Variants in RNF123 observed in about 807,000 individuals in gnomAD.
RNF123 encodes ring finger protein 123, also known as E3 ubiquitin-protein ligase RNF123.
A neutral mutation model predicts 168.5 loss-of-function variants in RNF123; 86 were observed. That is an observed-to-expected ratio of 0.51 (90% CI 0.43 to 0.61). The LOEUF (loss-of-function observed/expected upper bound fraction) is 0.61. RNF123 is among the 20% of genes least tolerant of loss of function. The pLI, the probability that RNF123 is intolerant of heterozygous loss-of-function variation, is 0.00. For missense variants in RNF123, 1,419 were observed against 1,729.7 expected, an observed-to-expected ratio of 0.82 and a Z score of 3.19; for synonymous variants, 666 against 689.1, an observed-to-expected ratio of 0.97 and a Z score of 0.52.
chr3:49,719,620 G>T, intron 35 of RNF123: 1 of 648,238 alleles, frequency 1.5e-6, no homozygotes, highest in Non-Finnish European at 2.7e-6. Context: ...CTACTCTCCG[G>T]TTCCCAGGTT....
rs1231665697 is a variant in RNF123, at chr3:49,704,772, C to T, written c.1959+16C>T. 3 of 1,557,912 alleles carry T rather than the reference C, an allele frequency of 1.9e-6. No homozygotes were observed. Among genetic ancestry groups the T allele is most frequent in the East Asian group, 4.6e-5 (2 of 43,112 alleles). On this transcript the variant is annotated intron_variant, in intron 22 of 38. Transcript: ENST00000327697. ...TATGGCCCAGGTGCCGCAGTGGGGG[C>T]AGGCGGTGGGATTTGTGTTGGGCTT...
At position 49,702,678 on chromosome 3, in the gene RNF123, C is replaced by G; in HGVS notation, c.1675C>G (p.His559Asp). 6.2e-7 allele frequency: 1 copy of G among 1,614,264 alleles called. No homozygotes were observed. The highest frequency in any genetic ancestry group is 8.5e-7 in the Non-Finnish European group (1 of 1,180,038). The change falls in exon 20 of 39, where the codon CAC (histidine) becomes GAC (aspartate). Residue 559 changes from histidine (H) to aspartate (D), a missense_variant. Physicochemically the swap from His to Asp is moderately conservative, Grantham distance 81. Around this residue, in one of 5 missense-constraint regions of RNF123, gnomAD observed 349 missense variants for 344.9 expected, o/e 1.01. Transcript: ENST00000327697. ...CPPEYMVCFL[H>D]RLISALRYYW... ...CCCTGAGTACATGGTCTGCTTCTTA[C>G]ACCGGCTGATCTCTGCCCTGCGCTA...
At chr3:49,706,939 C>A in intron 26 of RNF123, 41 bp downstream of exon 26, 2 of 1,561,418 alleles carry the variant, frequency 1.3e-6, no homozygotes, top group Non-Finnish European at 1.8e-6. Context: ...ACCTCACTGT[C>A]TGGCCACGGG....
Position 49,715,712 on chromosome 3 carries a change from G to C in RNF123, c.3148G>C (p.Glu1050Gln). 6.2e-7 allele frequency: 1 copy of C among 1,614,258 alleles called. No homozygotes were observed. The highest frequency in any genetic ancestry group is 8.5e-7 in the Non-Finnish European group (1 of 1,180,052). ...CTCTGAATTCATTGGCATGATCCAAGAGGTGGGCTGTGGTGGGGCCTCGTG... is the reference window on the plus strand; with the variant it reads ...CTCTGAATTCATTGGCATGATCCAACAGGTGGGCTGTGGTGGGGCCTCGTG... ...AFSEFIGMIQ[E>Q]IQQAAERLER... The change falls in exon 32 of 39, where the codon GAG becomes CAG. Residue 1050 changes from glutamate to glutamine, a missense_variant and splice_region_variant. This residue lies in a region of RNF123 where 538 missense variants were observed against 708.8 expected (regional missense o/e 0.76). Coordinates refer to ENST00000327697, the MANE Select transcript of RNF123 (RefSeq NM_022064.5).
chr3:49,716,607 G>T (rs1283205958), intron 35 of RNF123, 130 bp downstream of exon 35: 2 of 817,984 alleles, frequency 2.4e-6, no homozygotes, highest in Non-Finnish European at 4.0e-6. Context: ...TTGAGGCAGA[G>T]GGAAGGTGGT....
At position 49,713,568 on chromosome 3, in the gene RNF123, C is replaced by T. The variant is rs754283760; in HGVS notation, c.2730C>T (p.Asp910=). Reference sequence around the variant, plus strand: ...CCATTCTCGCCAAACACTTTGCCGACGCACGCATTGTGGGCACTGGTGAGG... The same window carrying T: ...CCATTCTCGCCAAACACTTTGCCGATGCACGCATTGTGGGCACTGGTGAGG... ...LAAILAKHFA[D]ARIVGTDIRD... Residue 910 remains aspartate, a synonymous_variant, in exon 28 of 39, where the codon GAC becomes GAT. Transcript: ENST00000327697. The T allele has an allele frequency of 9.3e-6, 15 of 1,612,462 alleles. No individual in the cohort carries two copies. Among genetic ancestry groups the T allele is most frequent in the Middle Eastern group, 1.6e-4 (1 of 6,082 alleles).
At chr3:49,717,866 AG>A in intron 35 of RNF123, 2 of 1,428,520 alleles carry the variant, frequency 1.4e-6, no homozygotes, top group Non-Finnish European at 1.9e-6. Context: ...GCTTCCCACC[AG>A]TATCTGCCAG....
At position 49,705,017 on chromosome 3, in the gene RNF123, C is replaced by G. The variant is rs765201368; in HGVS notation, c.1993C>G (p.Leu665Val). Residue 665 changes from leucine to valine, a missense_variant, in exon 23 of 39, where the codon CTG becomes GTG. Physicochemically the swap from Leu to Val is conservative, Grantham distance 32. Transcript: ENST00000327697. Reference sequence around the variant, plus strand: ...GCAGGCCCTGGCTGTTGGGGGGCCACTGCCCCTGCCCCGGCCCGGCTGGCT... The same window carrying G: ...GCAGGCCCTGGCTGTTGGGGGGCCAGTGCCCCTGCCCCGGCCCGGCTGGCT... ...PMQALAVGGP[L>V]PLPRPGWLSS... The G allele has an allele frequency of 1.7e-5, 27 of 1,608,808 alleles. No individual in the cohort carries two copies. Among genetic ancestry groups the G allele is most frequent in the Admixed American group, 1.2e-4 (7 of 59,558 alleles).
rs913995542 is a variant in RNF123 at position 49,714,145 on chromosome 3, T to C, written c.2981T>C (p.Leu994Pro). ...TRLPHLLKTK[L>P]EDANLPSLQK... is the part of the protein sequence containing the mutation. ...CTGCCACATCTGCTGAAAACCAAAC[T>C]TGAGGACGCCAATTTGCCCAGCCTC... Residue 994 changes from leucine to proline, a missense_variant, in exon 31 of 39, where the codon CTT (leucine) becomes CCT (proline). Leu to Pro is a moderately conservative substitution (Grantham distance 98). Coordinates refer to ENST00000327697, the MANE Select transcript of RNF123 (RefSeq NM_022064.5). 1.2e-6 allele frequency: 2 copies of C among 1,614,002 alleles called. No homozygotes were observed. The highest frequency in any genetic ancestry group is 1.7e-6 in the Non-Finnish European group (2 of 1,180,032).
In RNF123 at chr3:49,691,485, A is replaced by G; in HGVS notation, c.143A>G (p.His48Arg). The change falls in exon 3 of 39, where the codon CAT (histidine) becomes CGT (arginine). Residue 48 changes from histidine to arginine, a missense_variant. Physicochemically the swap from His to Arg is conservative, Grantham distance 29 (BLOSUM62 0). Transcript: ENST00000327697. ...AACCGCATCTTTTCCTCTTCTGAACATGCACCCCCAGCAGCCACCAGCAGG... is the reference window on the plus strand; with the variant it reads ...AACCGCATCTTTTCCTCTTCTGAACGTGCACCCCCAGCAGCCACCAGCAGG... ...YLNRIFSSSE[H>R]APPAATSRKP... The G allele has an allele frequency of 6.2e-7, 1 of 1,614,138 alleles. No individual in the cohort carries two copies. The highest frequency in any genetic ancestry group is 1.1e-5 in the South Asian group (1 of 91,078).
At chr3:49,700,787 A>C (rs1423330392) in intron 15 of RNF123, 78 bp downstream of exon 15, 25 of 1,495,372 alleles carry the variant, frequency 1.7e-5, no homozygotes, top group Non-Finnish European at 2.2e-5. Context: ...GGGGAGTGTC[A>C]TCAGGCCAGG....
At position 49,705,013 on chromosome 3, in the gene RNF123, G is replaced by T. The variant is rs1349394705; in HGVS notation, c.1989G>T (p.Gly663=). The change falls in exon 23 of 39, where the codon GGG becomes GGT. Residue 663 remains glycine, a synonymous_variant. Transcript: ENST00000327697. ...CCATGCAGGCCCTGGCTGTTGGGGG[G>T]CCACTGCCCCTGCCCCGGCCCGGCT... ...QRPMQALAVG[G]PLPLPRPGWL... is the part of the protein sequence containing the mutation. 6.2e-7 allele frequency: 1 copy of T among 1,608,100 alleles called. No individual in the cohort carries two copies. The highest frequency in any genetic ancestry group is 2.2e-5 in the East Asian group (1 of 44,736).
chr3:49,693,412 A>C (rs1575518173), intron 3 of RNF123, among the ~76,000 whole-genome samples: 2 of 124,786 alleles, frequency 1.6e-5, no homozygotes, highest in East Asian at 5.0e-4. Context: ...CCTGGAGTGC[A>C]GTGGCATGAT....
chr3:49,700,244 G>A lies in RNF123; in HGVS notation c.1002G>A (p.Val334=), dbSNP rs2054352869. 1 of 1,614,184 alleles carries A rather than the reference G, an allele frequency of 6.2e-7. No individual in the cohort carries two copies. Among genetic ancestry groups the A allele is most frequent in the Non-Finnish European group, 8.5e-7 (1 of 1,180,022 alleles). The change falls in exon 13 of 39, where the codon GTG becomes GTA. Residue 334 remains valine (V), a synonymous_variant. Coordinates refer to ENST00000327697, the MANE Select transcript of RNF123 (RefSeq NM_022064.5). ...TGGTGCAGCGCAAGGTGTATCTGGT[G>A]GAGGCTGTGCTCATGAGCTTCTTGC... ...FAPLLRKVYL[V]EAVLMSFLLG...
intron 3 of RNF123, 97 bp from the exon 4 acceptor site, chr3:49,697,046 C>A: frequency 1.9e-6 from 2 of 1,030,642 alleles, no homozygotes; most frequent in Non-Finnish European, 3.0e-6. Flanking sequence ...GGAGTCTAGG[C>A]AGCCCCCCTG....
At chr3:49,703,831 G>A (rs1474832975) in intron 21 of RNF123, among the ~76,000 whole-genome samples, 2 of 152,220 alleles carry the variant, frequency 1.3e-5, no homozygotes, top group South Asian at 2.1e-4. Flanking sequence ...AAGCTGCCCC[G>A]GTGCAGGGCT....
chr3:49,719,194 T>G, intron 35 of RNF123: 1 of 1,613,292 alleles, frequency 6.2e-7, no homozygotes, highest in Non-Finnish European at 8.5e-7. Flanking sequence ...GTGGTCTAGG[T>G]GCAGGGCGCG....
At chr3:49,698,942 T>G in intron 9 of RNF123, 38 bp from the exon 10 acceptor site, 1 of 1,611,034 alleles carries the variant, frequency 6.2e-7, no homozygotes, top group Non-Finnish European at 8.5e-7. Flanking sequence ...GGCAGCCACA[T>G]GCTTAGCACT....
chr3:49,702,484 C>T, intron 19 of RNF123, 79 bp downstream of exon 19: 13 of 1,597,238 alleles, frequency 8.1e-6, no homozygotes, highest in Middle Eastern at 1.7e-4. Context: ...TGGCACTTCT[C>T]GGACTGCCTC....
Sources: gnomAD v4.1 joint callset for allele counts (sites outside exome capture counted in the v4.1 genomes callset) on GRCh38, gnomAD v4.1.1 for gene constraint, gnomAD v4.1.1 regional missense constraint, MANE v1.5 for transcripts, NCBI Gene and HGNC (gene_info 2026-07-23, HGNC 2026-07-21) for gene names.